TBC1D2: variants seen among roughly 807,000 people sequenced by gnomAD.
TBC1D2 encodes the protein TBC1 domain family member 2, also known as TBC1 domain family member 2A.
TBC1D2 carries 58 observed loss-of-function variants against 91.1 expected under a neutral mutation model. The ratio of observed to expected loss-of-function variants is 0.64; its 90% CI spans 0.52 to 0.79. The LOEUF (loss-of-function observed/expected upper bound fraction) is 0.79, where lower values mean the gene tolerates loss of function less well. Among genes scored for constraint, TBC1D2 ranks in the 30% least tolerant of loss-of-function variants. TBC1D2 has a pLI of 0.00. For synonymous variants in TBC1D2, 482 were observed against 511.5 expected, an observed-to-expected ratio of 0.94 and a Z score of 0.78; for missense variants, 1,080 against 1,208.3, an observed-to-expected ratio of 0.89 and a Z score of 1.57.
rs772220120 is a variant in TBC1D2, at chr9:98,199,528, C to T, written c.2640G>A (p.Gln880=). 144 of 1,614,088 alleles carry T rather than the reference C, an allele frequency of 8.9e-5. No homozygotes were observed. The South Asian group carries it at 9.6e-4, about 11-fold the overall frequency. ...MNPFRMKQLR[Q]LRMVHRERLE... ...GCCGCTCCCGGTGGACCATGCGCAG[C>T]TGCCGCAGCTGTTTCATGCGGAAGG... The change falls in exon 13 of 13, where the codon CAG becomes CAA. Residue 880 remains glutamine (Q), a synonymous_variant. Coordinates refer to ENST00000465784, the MANE Select transcript of TBC1D2 (RefSeq NM_001267571.2).
At chr9:98,231,279 C>CTTTTTTTTTTTT (rs35195996) in intron 4 of TBC1D2, among the ~76,000 whole-genome samples, 1 of 76,712 alleles carries the variant, frequency 1.3e-5, no homozygotes, top group Non-Finnish European at 2.3e-5. Context: ...CTCAACTCTG[C>CTTTTTTTTTTTT]TTTTTTTTTT....
chr9:98,218,743 T>C (rs1341925629), intron 6 of TBC1D2, among the ~76,000 whole-genome samples: 1 of 152,014 alleles, frequency 6.6e-6, no homozygotes, highest in Non-Finnish European at 1.5e-5. Flanking sequence ...CAGGTTGGAG[T>C]GCAGTGGCAC....
intron 4 of TBC1D2, among the ~76,000 whole-genome samples, chr9:98,233,003 C>T (rs990369329): frequency 1.3e-5 from 2 of 152,074 alleles, no homozygotes; most frequent in Admixed American, 6.6e-5. Context: ...TTTTTAGTAG[C>T]GTGGTGGTAT....
intron 6 of TBC1D2, among the ~76,000 whole-genome samples, chr9:98,214,803 G>A (rs1828930149): frequency 6.6e-6 from 1 of 152,190 alleles, no homozygotes; most frequent in Non-Finnish European, 1.5e-5. Context: ...CCTCCGCCCA[G>A]AGCCTGACAC....
intron 4 of TBC1D2, among the ~76,000 whole-genome samples, chr9:98,232,612 C>T (rs1286240113): frequency 6.6e-6 from 1 of 152,082 alleles, no homozygotes; most frequent in African/African-American, 2.4e-5. Context: ...GCCACCATGC[C>T]CAGCCTCTTC....
At chr9:98,245,070 C>G (rs1829736577) in intron 2 of TBC1D2, among the ~76,000 whole-genome samples, 1 of 151,898 alleles carries the variant, frequency 6.6e-6, no homozygotes, top group Middle Eastern at 3.2e-3. Context: ...GAAACCCCAT[C>G]TCTACTAAAA....
In TBC1D2 at chr9:98,199,489, C is replaced by A; in HGVS notation, c.2679G>T (p.Leu893=). 1 of 1,614,132 alleles carries A rather than the reference C, an allele frequency of 6.2e-7. No individual in the cohort carries two copies. Among genetic ancestry groups the A allele is most frequent in the Non-Finnish European group, 8.5e-7 (1 of 1,180,042 alleles). The change falls in exon 13 of 13, where the codon CTG becomes CTT. Residue 893 remains leucine (L), a synonymous_variant. Transcript: ENST00000465784. The part of the protein sequence containing the change: ...MVHRERLEAE[L]RELEQLKAEY... ...CTGCCTTAAGCTGCTCCAGCTCCCGCAGCTCAGCCTCCAGCCGCTCCCGGT... is the reference window on the plus strand; with the variant it reads ...CTGCCTTAAGCTGCTCCAGCTCCCGAAGCTCAGCCTCCAGCCGCTCCCGGT...
chr9:98,199,652 T>C (rs1042940788), intron 12 of TBC1D2, 64 bp from the exon 13 acceptor site: 11 of 1,559,352 alleles, frequency 7.1e-6, no homozygotes, highest in Non-Finnish European at 7.9e-6. Context: ...TACCCGGCTC[T>C]CCCAGACAGA....
At position 98,220,823 on chromosome 9, in the gene TBC1D2, A is replaced by G. The variant is rs1032950436; in HGVS notation, c.1374+10T>C. On this transcript the variant is annotated intron_variant, in intron 6 of 12. Transcript: ENST00000465784. The stretch of plus-strand genomic sequence containing the variant: ...GGCAGGACTGGCAGGCCCTGAGGGG[A>G]GGCCCCTACCTTCAGGTGCTCTATC... 1 of 1,609,472 alleles carries G rather than the reference A, an allele frequency of 6.2e-7. No individual in the cohort carries two copies.
In TBC1D2 at chr9:98,211,714, GTTC is replaced by G. The variant is rs1485704424; in HGVS notation, c.1486-874_1486-872del. Among the ~76,000 whole-genome samples the G allele has an allele frequency of 8.6e-5, 13 of 152,008 alleles. 1 individual carries two copies. The East Asian group carries it at 2.5e-3, about 29-fold the overall frequency. On this transcript the variant is annotated intron_variant, in intron 7 of 12. Coordinates refer to ENST00000465784, the MANE Select transcript of TBC1D2 (RefSeq NM_001267571.2). ...CAGCTCCAAGCCATCCTCTGTGCCT[GTTC>G]TTCTACCTATCCCACCTGGTGCCCA... is the stretch of plus-strand genomic sequence containing the variant.
At chr9:98,217,586 C>T (rs2119065407) in intron 6 of TBC1D2, among the ~76,000 whole-genome samples, 1 of 152,360 alleles carries the variant, frequency 6.6e-6, no homozygotes, top group East Asian at 1.9e-4. Context: ...AAGTTGGGTT[C>T]CTCAATCACA....
At chr9:98,215,132 T>C (rs1828939514) in intron 6 of TBC1D2, among the ~76,000 whole-genome samples, 1 of 152,184 alleles carries the variant, frequency 6.6e-6, no homozygotes, top group African/African-American at 2.4e-5. Flanking sequence ...TGCTGGCAAG[T>C]TTCTGCCTGC....
chr9:98,229,133 T>C lies in TBC1D2; in HGVS notation c.797A>G (p.Asp266Gly). 2 of 1,614,186 alleles carry C rather than the reference T, an allele frequency of 1.2e-6. No homozygotes were observed. Among genetic ancestry groups the C allele is most frequent in the Non-Finnish European group, 1.7e-6 (2 of 1,180,024 alleles). Residue 266 changes from aspartate (D) to glycine (G), a missense_variant, in exon 5 of 13, where the codon GAT becomes GGT. Transcript: ENST00000465784. ...AGGCTTGGGTGCAGGCTTTGGAGAA[T>C]CCTCTGGCTCTCTCCCTGCTCAAGA... ...DASTPGREPEDSPKPAPKPSL... is the reference protein window; with the variant it reads ...DASTPGREPEGSPKPAPKPSL...
chr9:98,232,596 G>A (rs1303909696), intron 4 of TBC1D2, among the ~76,000 whole-genome samples: 1 of 152,076 alleles, frequency 6.6e-6, no homozygotes, highest in Non-Finnish European at 1.5e-5. Context: ...GGGATTACAA[G>A]CGTGAGCCAC....
chr9:98,209,265 C>G lies in TBC1D2; in HGVS notation c.1674-121G>C, dbSNP rs568221883. 3.4e-6 allele frequency: 3 copies of G among 889,438 alleles called. No homozygotes were observed. The African/African-American group carries it at 5.0e-5, about 15-fold the overall frequency. 55.1% of individuals were successfully genotyped at this position (889,438 alleles called of 1,614,324 possible). A position where few individuals can be genotyped will look rare whatever the true frequency, so the allele number is the denominator to read the frequency against. ...CTGCCTTCACTGAGGGTTAACCACA[C>G]AGCTCTGGGCAGGTCACTTCAGTTC... On this transcript the variant is annotated intron_variant, in intron 8 of 12. Transcript: ENST00000465784.
At chr9:98,238,532 A>G (rs1204309877) in intron 3 of TBC1D2, among the ~76,000 whole-genome samples, 2 of 136,904 alleles carry the variant, frequency 1.5e-5, no homozygotes, top group Non-Finnish European at 3.0e-5. Flanking sequence ...GCAAATAAAG[A>G]TAGTTTTACT....
Position 98,228,967 on chromosome 9 carries a change from C to T in TBC1D2, c.963G>A (p.Glu321=). Residue 321 remains glutamate (E), a synonymous_variant, in exon 5 of 13, where the codon GAG becomes GAA. Coordinates refer to ENST00000465784, the MANE Select transcript of TBC1D2 (RefSeq NM_001267571.2). This position sits in a 1 kb window ranked among gnomAD's most constrained non-coding sequence, Gnocchi z 4.0. ...CAGACCTCACCTTCTGAGACTTTAA[C>T]TCCTTGGTGAGCATCAGAACCTGTT... ...LEQQVLMLTK[E]LKSQKELVKI... is the part of the protein sequence containing the mutation. 1 of 1,614,164 alleles carries T rather than the reference C, an allele frequency of 6.2e-7. No individual in the cohort carries two copies. Among genetic ancestry groups the T allele is most frequent in the South Asian group, 1.1e-5 (1 of 91,088 alleles).
At position 98,205,853 on chromosome 9, in the gene TBC1D2, C is replaced by T. The variant is rs10985428; in HGVS notation, c.2151-2445G>A. Among the ~76,000 whole-genome samples, 653 of 149,660 alleles carry T rather than the reference C, an allele frequency of 4.4e-3. 13 individuals are homozygous for T. The East Asian group carries it at 0.062, about 14-fold the overall frequency. The stretch of plus-strand genomic sequence containing the variant: ...CGGGAATTACAGGCGTGAGCCACGG[C>T]GCCGGGCCCACACATGCAGTTCTAA... On this transcript the variant is annotated intron_variant, in intron 9 of 12. Transcript: ENST00000465784.
At position 98,204,369 on chromosome 9, in the gene TBC1D2, T is replaced by A. The variant is rs574385798; in HGVS notation, c.2151-961A>T. On this transcript the variant is annotated intron_variant, in intron 9 of 12. Transcript: ENST00000465784. ...CTGTGGTGACAAAACGCTGTGTGGC[T>A]GACTCTAACCCAGGGTCGCCCAGGG... 1.2e-4 allele frequency among the ~76,000 whole-genome samples: 18 copies of A among 152,338 alleles called. No homozygotes were observed. In the East Asian group the frequency reaches 2.1e-3, roughly 18 times the overall value.
Sources: gnomAD v4.1 joint callset for allele counts (sites outside exome capture counted in the v4.1 genomes callset) on GRCh38, gnomAD v4.1.1 for gene constraint, Gnocchi (gnomAD v3.1) non-coding constraint, MANE v1.5 for transcripts, NCBI Gene and HGNC (gene_info 2026-07-23, HGNC 2026-07-21) for gene names.